The following GPR39 variants were observed in gnomAD, a reference collection of about 807,000 sequenced individuals.
The protein encoded by GPR39 is zinc sensing receptor.
In GPR39, 23 loss-of-function variants were observed where a neutral mutation model predicts 18.4. That is an observed-to-expected ratio of 1.25 (90% confidence interval 0.90 to 1.77). The LOEUF is 1.77. Ranked by LOEUF, GPR39 falls within the 40% of genes most tolerant of loss-of-function variation. The probability of loss-of-function intolerance (pLI) is 0.00; values close to 1 mark genes in which losing one functional copy is unlikely to be tolerated. For synonymous variants in GPR39, 280 were observed against 257.9 expected, an observed-to-expected ratio of 1.09 and a Z score of -0.82; for missense variants, 647 against 602.4, an observed-to-expected ratio of 1.07 and a Z score of -0.78.
chr2:132,615,316 A>T (rs1425800272), intron 1 of GPR39, among the ~76,000 whole-genome samples: 1 of 152,196 alleles, frequency 6.6e-6, no homozygotes, highest in Non-Finnish European at 1.5e-5. Flanking sequence ...TCACTCCAAC[A>T]GGCAATTGCC....
At chr2:132,520,520 A>G (rs1250898910) in intron 1 of GPR39, among the ~76,000 whole-genome samples, 1 of 152,198 alleles carries the variant, frequency 6.6e-6, no homozygotes, top group Non-Finnish European at 1.5e-5. Context: ...AGCTCCTGAG[A>G]TCAGCCTGGG....
At chr2:132,443,594 ATG>A (rs1246179954) in intron 1 of GPR39, among the ~76,000 whole-genome samples, 1 of 152,208 alleles carries the variant, frequency 6.6e-6, no homozygotes, top group African/African-American at 2.4e-5. Flanking sequence ...GGTGTATTAA[ATG>A]TGTTTTCAAC....
At chr2:132,631,123 G>A (rs1171131089) in intron 1 of GPR39, among the ~76,000 whole-genome samples, 1 of 152,172 alleles carries the variant, frequency 6.6e-6, no homozygotes, top group East Asian at 1.9e-4. Context: ...AGAGAGCTGA[G>A]GGCAGCTCCT....
Position 132,645,453 on chromosome 2 carries a change from G to C in GPR39, c.1209G>C (p.Arg403Ser), listed in dbSNP as rs1439431991. ...CGTCCCGGCGCCAGTCCTCTGCAAG[G>C]AGAACTGAGAAGATTTTCTTAAGCA... ...LFASRRQSSA[R>S]RTEKIFLSTF... The change falls in exon 2 of 2, where the codon AGG (arginine) becomes AGC (serine). Residue 403 changes from arginine to serine, a missense_variant. Transcript: ENST00000329321. 1.9e-6 allele frequency: 3 copies of C among 1,613,290 alleles called. No homozygotes were observed. In the South Asian group the frequency reaches 3.3e-5, roughly 18 times the overall value.
chr2:132,535,491 G>A (rs936112965), intron 1 of GPR39, among the ~76,000 whole-genome samples: 8 of 152,008 alleles, frequency 5.3e-5, no homozygotes, highest in African/African-American at 1.4e-4. Context: ...TTTTCACATC[G>A]ATGTTCATCA....
chr2:132,514,899 C>T (rs1679304842), intron 1 of GPR39, among the ~76,000 whole-genome samples: 1 of 152,174 alleles, frequency 6.6e-6, no homozygotes, highest in Admixed American at 6.5e-5. Context: ...TACTCTAGCC[C>T]TATTACCAAT....
At chr2:132,492,847 C>CACAT (rs1681519755) in intron 1 of GPR39, among the ~76,000 whole-genome samples, 1 of 137,856 alleles carries the variant, frequency 7.3e-6, no homozygotes, top group Non-Finnish European at 1.5e-5. Context: ...ACCATATATA[C>CACAT]ACCATATATA....
chr2:132,423,041 A>G (rs1024209992), intron 1 of GPR39, among the ~76,000 whole-genome samples: 3 of 151,992 alleles, frequency 2.0e-5, no homozygotes, highest in African/African-American at 7.3e-5. Flanking sequence ...ATTGGGAGTC[A>G]AGGAGCCCCT....
intron 1 of GPR39, among the ~76,000 whole-genome samples, chr2:132,492,254 TACACC>T (rs1214844110): frequency 4.4e-4 from 63 of 142,160 alleles, no homozygotes; most frequent in African/African-American, 1.2e-3. Flanking sequence ...ATACCATATA[TACACC>T]ATATATATAC....
chr2:132,582,919 T>C (rs202231878), intron 1 of GPR39, among the ~76,000 whole-genome samples: 1,331 of 115,144 alleles, frequency 0.012, 19 homozygotes, highest in African/African-American at 0.036. Context: ...TTCTTTCTTT[T>C]TTTTTTTTTT....
At chr2:132,557,149 T>C (rs1217951469) in intron 1 of GPR39, among the ~76,000 whole-genome samples, 3 of 152,052 alleles carry the variant, frequency 2.0e-5, no homozygotes, top group Non-Finnish European at 2.9e-5. Flanking sequence ...TGAAACCCCA[T>C]CTCTACTAAA....
intron 1 of GPR39, among the ~76,000 whole-genome samples, chr2:132,467,831 ATC>A (rs1680959788): frequency 6.6e-6 from 1 of 152,188 alleles, no homozygotes; most frequent in Non-Finnish European, 1.5e-5. Flanking sequence ...GTCAGTTGGT[ATC>A]TATATTTATT....
At chr2:132,460,474 C>G (rs550502774) in intron 1 of GPR39, among the ~76,000 whole-genome samples, 5 of 152,204 alleles carry the variant, frequency 3.3e-5, no homozygotes, top group African/African-American at 9.6e-5. Context: ...CATTTGACAC[C>G]AATCAATAAG....
chr2:132,514,192 G>A (rs1419941310), intron 1 of GPR39, among the ~76,000 whole-genome samples: 1 of 152,104 alleles, frequency 6.6e-6, no homozygotes, highest in Non-Finnish European at 1.5e-5. Flanking sequence ...GATGCAGTGG[G>A]ACCCAATTCT....
chr2:132,437,336 A>G (rs1166484675), intron 1 of GPR39, among the ~76,000 whole-genome samples: 1 of 152,218 alleles, frequency 6.6e-6, no homozygotes, highest in Non-Finnish European at 1.5e-5. Flanking sequence ...GATCATGAGT[A>G]AGTCTGACAT....
intron 1 of GPR39, among the ~76,000 whole-genome samples, chr2:132,593,854 A>G (rs1185959724): frequency 2.0e-5 from 3 of 152,164 alleles, no homozygotes; most frequent in African/African-American, 4.8e-5. Flanking sequence ...ACTGGAGGAA[A>G]GAAGCGCTCT....
At chr2:132,562,640 C>A (rs1252122724) in intron 1 of GPR39, among the ~76,000 whole-genome samples, 1 of 152,114 alleles carries the variant, frequency 6.6e-6, no homozygotes, top group African/African-American at 2.4e-5. Flanking sequence ...TCTTTGGATA[C>A]CCTAGCACCC....
intron 1 of GPR39, among the ~76,000 whole-genome samples, chr2:132,639,114 G>C (rs12466681): frequency 0.36 from 54,642 of 151,922 alleles, 10,024 homozygotes; most frequent in Admixed American, 0.42. Context: ...CATTCTCCTA[G>C]CCCTTAGAAA....
chr2:132,515,406 T>C (rs191625091), intron 1 of GPR39, among the ~76,000 whole-genome samples: 10 of 152,322 alleles, frequency 6.6e-5, no homozygotes, highest in Admixed American at 6.5e-4. Context: ...TGGAGAATGG[T>C]ATACATTCAA....
Sources: allele counts gnomAD v4.1 joint callset (sites outside exome capture counted in the v4.1 genomes callset), GRCh38; gene constraint gnomAD v4.1.1; transcripts MANE v1.5; gene names NCBI Gene and HGNC (gene_info 2026-07-23, HGNC 2026-07-21).